Variants in PDE4B observed in about 807,000 individuals in gnomAD.
PDE4B encodes the protein phosphodiesterase 4B, also known as 3',5'-cyclic-AMP phosphodiesterase 4B.
Under a neutral mutation model 82.2 loss-of-function variants are expected in PDE4B, and 20 were observed. The ratio of observed to expected loss-of-function variants is 0.24; its 90% CI spans 0.17 to 0.35. The LOEUF (loss-of-function observed/expected upper bound fraction) is 0.35, where lower values mean the gene tolerates loss of function less well. PDE4B is among the 10% of genes least tolerant of loss of function. The pLI, the probability that PDE4B is intolerant of heterozygous loss-of-function variation, is 1.00. For missense variants in PDE4B, 655 were observed against 907.2 expected, an observed-to-expected ratio of 0.72 and a Z score of 3.57; for synonymous variants, 320 against 318.9, an observed-to-expected ratio of 1.00 and a Z score of -0.04.
chr1:65,912,615 T>C (rs1647108638), intron 1 of PDE4B, among the ~76,000 whole-genome samples: 1 of 152,234 alleles, frequency 6.6e-6, no homozygotes, highest in Non-Finnish European at 1.5e-5. Flanking sequence ...AACTACCGGT[T>C]GCTAGAATTT....
At chr1:66,255,852 A>G (rs1004613976) in intron 4 of PDE4B, among the ~76,000 whole-genome samples, 2 of 152,202 alleles carry the variant, frequency 1.3e-5, no homozygotes, top group Non-Finnish European at 2.9e-5. Flanking sequence ...TGATATGTCA[A>G]CTATGCAGCA....
At chr1:66,117,806 A>T (rs779891093) in intron 3 of PDE4B, among the ~76,000 whole-genome samples, 3 of 152,156 alleles carry the variant, frequency 2.0e-5, no homozygotes, top group Non-Finnish European at 2.9e-5. Context: ...TAAAAAGAGG[A>T]TGCATATGAA....
intron 3 of PDE4B, among the ~76,000 whole-genome samples, chr1:66,120,976 G>T (rs1382467881): frequency 6.6e-6 from 1 of 152,124 alleles, no homozygotes; most frequent in East Asian, 1.9e-4. Flanking sequence ...TAATGATTAT[G>T]CATGTGTCCC....
At position 65,829,531 on chromosome 1, in the gene PDE4B, G is replaced by A. The variant is rs146944107; in HGVS notation, c.-71+36283G>A. Among the ~76,000 whole-genome samples, 465 of 152,168 alleles carry A rather than the reference G, an allele frequency of 3.1e-3. 1 individual carries two copies. The highest frequency in any genetic ancestry group is 0.01 in the African/African-American group (435 of 41,520). ...CCAGTGAACACTGAACATTCACAAA[G>A]ATAGACTATATTCTGGGCCATAAAA... On this transcript the variant is annotated intron_variant, in intron 1 of 16. Transcript: ENST00000341517.
intron 3 of PDE4B, among the ~76,000 whole-genome samples, chr1:65,978,414 A>G (rs1650522243): frequency 7.0e-6 from 1 of 143,448 alleles, no homozygotes; most frequent in Admixed American, 7.2e-5. Flanking sequence ...ACATCTATGG[A>G]TAAGGCACTG....
In PDE4B at chr1:65,849,519, C is replaced by T. The variant is rs962916673; in HGVS notation, c.-71+56271C>T. ...GTTGTCCGGCCAGTGACTTTTCTCT[C>T]TGGGTGCCAGTGTATGCCATTCAAG... On this transcript the variant is annotated intron_variant, in intron 1 of 16. Coordinates refer to ENST00000341517, the MANE Select transcript of PDE4B (RefSeq NM_002600.4). Among the ~76,000 whole-genome samples, 10 of 152,114 alleles carry T rather than the reference C, an allele frequency of 6.6e-5. No homozygotes were observed. The East Asian group carries it at 1.9e-3, about 29-fold the overall frequency.
At chr1:66,228,979 C>G (rs1287771104) in intron 3 of PDE4B, among the ~76,000 whole-genome samples, 1 of 152,104 alleles carries the variant, frequency 6.6e-6, no homozygotes, top group African/African-American at 2.4e-5. Flanking sequence ...TTCATAAGGT[C>G]TGACCTAATA....
At chr1:66,081,743 G>A (rs1656739151) in intron 3 of PDE4B, among the ~76,000 whole-genome samples, 1 of 151,838 alleles carries the variant, frequency 6.6e-6, no homozygotes, top group African/African-American at 2.4e-5. Context: ...TGCACGACAG[G>A]TGGATATATA....
intron 3 of PDE4B, among the ~76,000 whole-genome samples, chr1:66,166,027 A>G (rs1653662618): frequency 6.6e-6 from 1 of 152,194 alleles, no homozygotes; most frequent in Non-Finnish European, 1.5e-5. Flanking sequence ...TAGTACTGAC[A>G]TAAGGTAGAC....
intron 10 of PDE4B, 22 bp downstream of exon 10, chr1:66,361,815 G>A (rs774631050): frequency 8.8e-6 from 14 of 1,592,532 alleles, no homozygotes; most frequent in African/African-American, 1.3e-5. Context: ...CTCAGGTTTT[G>A]TGCATGTAGC....
intron 1 of PDE4B, among the ~76,000 whole-genome samples, chr1:65,887,375 T>C (rs112737069): frequency 0.035 from 167 of 4,714 alleles, 8 homozygotes; most frequent in Non-Finnish European, 0.057. Context: ...CTCCCTCCCT[T>C]CCTTCCTTCC....
At chr1:66,139,732 C>T (rs538078791) in intron 3 of PDE4B, among the ~76,000 whole-genome samples, 3 of 118,830 alleles carry the variant, frequency 2.5e-5, no homozygotes, top group African/African-American at 3.4e-5. Context: ...CCCCCTCCCC[C>T]CTCAAAAAAA....
In PDE4B at chr1:66,163,982, G is replaced by A. The variant is rs1274633933; in HGVS notation, c.282-83478G>A. ...TTTATTCCTTGTTGTTTTTCCTCTA[G>A]TGAGCTTTAAAAACAAGTCTTGTGG... On this transcript the variant is annotated intron_variant, in intron 3 of 16. Coordinates refer to ENST00000341517, the MANE Select transcript of PDE4B (RefSeq NM_002600.4). Among the ~76,000 whole-genome samples, 9 of 152,126 alleles carry A rather than the reference G, an allele frequency of 5.9e-5. No individual in the cohort carries two copies. The East Asian group carries it at 1.7e-3, about 29-fold the overall frequency.
At chr1:66,160,784 A>C (rs1646596386) in intron 3 of PDE4B, among the ~76,000 whole-genome samples, 1 of 152,176 alleles carries the variant, frequency 6.6e-6, no homozygotes, top group Non-Finnish European at 1.5e-5. Context: ...AATCAAATAG[A>C]TTCTTAGTGC....
At chr1:66,285,212 T>A (rs1656585802) in intron 7 of PDE4B, among the ~76,000 whole-genome samples, 1 of 152,070 alleles carries the variant, frequency 6.6e-6, no homozygotes, top group East Asian at 1.9e-4. Context: ...AAACGTAAAT[T>A]TACCCATATG....
intron 3 of PDE4B, among the ~76,000 whole-genome samples, chr1:66,085,631 C>T (rs1656964609): frequency 6.6e-6 from 1 of 152,008 alleles, no homozygotes; most frequent in Non-Finnish European, 1.5e-5. Flanking sequence ...GGCCCACATG[C>T]AGCTAGGGAA....
chr1:65,797,110 G>A (rs1358156545), intron 1 of PDE4B, among the ~76,000 whole-genome samples: 2 of 151,632 alleles, frequency 1.3e-5, no homozygotes, highest in Non-Finnish European at 2.9e-5. Flanking sequence ...CCGCCACCAC[G>A]CCTGGCTAAT....
At chr1:66,282,178 C>T (rs1656349495) in intron 7 of PDE4B, among the ~76,000 whole-genome samples, 1 of 151,878 alleles carries the variant, frequency 6.6e-6, no homozygotes, top group Non-Finnish European at 1.5e-5. Context: ...TTTTTTTCCT[C>T]CAGATTCTAG....
At chr1:66,108,765 G>T (rs1645425128) in intron 3 of PDE4B, among the ~76,000 whole-genome samples, 1 of 151,852 alleles carries the variant, frequency 6.6e-6, no homozygotes, top group South Asian at 2.1e-4. Context: ...ATATCTGTTA[G>T]TATTGATTTT....
Sources: allele counts gnomAD v4.1 joint callset (sites outside exome capture counted in the v4.1 genomes callset), GRCh38; gene constraint gnomAD v4.1.1; transcripts MANE v1.5; gene names NCBI Gene and HGNC (gene_info 2026-07-23, HGNC 2026-07-21).